The following TULP3 variants were observed in gnomAD, a reference collection of about 807,000 sequenced individuals.
The protein encoded by TULP3 is tubby-related protein 3.
TULP3 carries 38 observed loss-of-function variants against 50.7 expected under a neutral mutation model. The ratio of observed to expected loss-of-function variants is 0.75; its 90% CI spans 0.58 to 0.98. The LOEUF (loss-of-function observed/expected upper bound fraction) is 0.98. Among genes scored for constraint, TULP3 ranks in the 50% least tolerant of loss-of-function variants. The pLI is 0.00. For synonymous variants in TULP3, 183 were observed against 196.6 expected (o/e 0.93, Z 0.58); for missense variants, 550 against 568.0 (o/e 0.97, Z 0.32).
In TULP3 at chr12:2,913,598, GTTTA is replaced by G. The variant is rs561512047; in HGVS notation, c.93+4026_93+4029del. Among the ~76,000 whole-genome samples the G allele has an allele frequency of 9.9e-5, 15 of 151,102 alleles. No homozygotes were observed. The South Asian group carries it at 3.1e-3, about 32-fold the overall frequency. ...AGTTTTAGCTTTTACACTTTCCGTG[GTTTA>G]TTTATTTTTATTTATTTATTTTTTC... On this transcript the variant is annotated intron_variant, in intron 2 of 10. Transcript: ENST00000448120.
chr12:2,907,640 T>A (rs925954674), intron 1 of TULP3, among the ~76,000 whole-genome samples: 1 of 136,002 alleles, frequency 7.4e-6, no homozygotes, highest in Non-Finnish European at 1.6e-5. Context: ...AGAGAGAGAC[T>A]CTGTCTCAAA....
chr12:2,921,067 G>A, intron 3 of TULP3, 145 bp downstream of exon 3: 1 of 964,608 alleles, frequency 1.0e-6, no homozygotes, highest in South Asian at 1.7e-5. Context: ...CACATTTGGG[G>A]TCTTTGAGGA....
chr12:2,922,917 G>C (rs1018630972), intron 4 of TULP3, among the ~76,000 whole-genome samples: 2 of 148,002 alleles, frequency 1.4e-5, no homozygotes, highest in African/African-American at 5.0e-5. Flanking sequence ...GCAGTGACGC[G>C]ATCTCGGCTC....
At chr12:2,914,304 A>G (rs1423668903) in intron 2 of TULP3, among the ~76,000 whole-genome samples, 1 of 151,694 alleles carries the variant, frequency 6.6e-6, no homozygotes, top group East Asian at 2.0e-4. Context: ...TTGTATTTGT[A>G]GTAGAGACAG....
intron 2 of TULP3, among the ~76,000 whole-genome samples, chr12:2,912,303 A>G (rs1163230718): frequency 6.6e-6 from 1 of 152,232 alleles, no homozygotes; most frequent in Admixed American, 6.5e-5. Context: ...TGTCTAAGTT[A>G]GAGCCAAGAT....
intron 4 of TULP3, 48 bp from the exon 5 acceptor site, chr12:2,930,200 T>G (rs1056346324): frequency 3.8e-6 from 5 of 1,313,788 alleles, no homozygotes; most frequent in Non-Finnish European, 5.3e-6. Flanking sequence ...TTCAAAGACC[T>G]TTTTTAAACA....
At chr12:2,929,967 C>T (rs1659569579) in intron 4 of TULP3, among the ~76,000 whole-genome samples, 1 of 152,138 alleles carries the variant, frequency 6.6e-6, no homozygotes, top group Non-Finnish European at 1.5e-5. Flanking sequence ...CAATGTTGTG[C>T]AACCATCACT....
rs2098199898 is a variant in TULP3, at chr12:2,934,403, A to G, written c.810-44A>G. 4 of 1,352,494 alleles carry G rather than the reference A, an allele frequency of 3.0e-6. No homozygotes were observed. In the East Asian group the frequency reaches 1.1e-4, roughly 36 times the overall value. The allele number at this position is 1,352,494 out of a possible 1,614,324, so 83.8% of individuals were successfully genotyped here. ...TCTCTTAGATTGTGTTTGTATAAGA[A>G]AAAAAATACAGATCATCATGGTGAC... On this transcript the variant is annotated intron_variant, in intron 7 of 10. Transcript: ENST00000448120.
intron 10 of TULP3, among the ~76,000 whole-genome samples, chr12:2,938,977 A>G (rs1432378416): frequency 6.6e-6 from 1 of 152,186 alleles, no homozygotes; most frequent in Non-Finnish European, 1.5e-5. Context: ...ATAGGATCCC[A>G]GCACTTTGGG....
intron 5 of TULP3, 131 bp from the exon 6 acceptor site, chr12:2,930,906 T>C: frequency 1.0e-6 from 1 of 993,156 alleles, no homozygotes; most frequent in South Asian, 1.3e-5. Flanking sequence ...AACTTTTCAG[T>C]TTTCCTCATT....
chr12:2,902,071 T>C (rs1240629798), intron 1 of TULP3, among the ~76,000 whole-genome samples: 1 of 152,214 alleles, frequency 6.6e-6, no homozygotes, highest in Non-Finnish European at 1.5e-5. Context: ...TCACACATAC[T>C]ATGTTTATTT....
intron 1 of TULP3, among the ~76,000 whole-genome samples, chr12:2,891,457 G>A (rs2968902): frequency 0.45 from 67,679 of 152,054 alleles, 15,754 homozygotes; most frequent in African/African-American, 0.58. Context: ...AGCAGAGTCC[G>A]AGGAGCGGAA....
Position 2,940,001 on chromosome 12 carries a change from C to T in TULP3, c.*557C>T. ...CAGGGACTGACATCGCAGTTCCTCT[C>T]CTCTCTTCATTCCCTCACAGCAGAT... On this transcript the variant is annotated 3_prime_UTR_variant, in exon 11 of 11. Coordinates refer to ENST00000448120, the MANE Select transcript of TULP3 (RefSeq NM_003324.5). The T allele has an allele frequency of 3.9e-6, 5 of 1,285,512 alleles. No homozygotes were observed. The highest frequency in any genetic ancestry group is 5.1e-6 in the Non-Finnish European group (5 of 985,536). 79.6% of individuals were successfully genotyped at this position (1,285,512 alleles called of 1,614,324 possible).
intron 2 of TULP3, among the ~76,000 whole-genome samples, chr12:2,914,179 C>T (rs145934809): frequency 1.4e-5 from 2 of 140,456 alleles, no homozygotes; most frequent in African/African-American, 5.5e-5. Flanking sequence ...GGCTGGAGTA[C>T]AATGGCGCAA....
At chr12:2,891,961 C>T (rs1351816584) in intron 1 of TULP3, among the ~76,000 whole-genome samples, 1 of 151,978 alleles carries the variant, frequency 6.6e-6, no homozygotes, top group Non-Finnish European at 1.5e-5. Flanking sequence ...TGGTGCGCGC[C>T]TGTAGTTCCA....
rs750365836 is a variant in TULP3, at chr12:2,931,158, G to A, written c.614G>A (p.Arg205Gln). ...CCTCAAGGTGTCACAGTAAGATGTC[G>A]GATAATCCGGGATAAAAGGGGAATG... ...PAPQGVTVRC[R>Q]IIRDKRGMDR... is the part of the protein sequence containing the mutation. Residue 205 changes from arginine (R) to glutamine (Q), a missense_variant, in exon 6 of 11, where the codon CGG becomes CAG. Transcript: ENST00000448120. 8.1e-6 allele frequency: 13 copies of A among 1,613,996 alleles called. No individual in the cohort carries two copies. The highest frequency in any genetic ancestry group is 2.2e-5 in the South Asian group (2 of 91,084).
At chr12:2,900,180 G>A (rs998720116) in intron 1 of TULP3, among the ~76,000 whole-genome samples, 2 of 152,104 alleles carry the variant, frequency 1.3e-5, no homozygotes, top group Admixed American at 6.6e-5. Flanking sequence ...CCGAGATCGC[G>A]CCACTGTACT....
At chr12:2,931,305 G>A in intron 6 of TULP3, 65 bp downstream of exon 6, 3 of 1,527,564 alleles carry the variant, frequency 2.0e-6, no homozygotes, top group Non-Finnish European at 2.7e-6. Flanking sequence ...ATAGATTGTT[G>A]ATGGGCCTTA....
chr12:2,926,097 C>G (rs890892046), intron 4 of TULP3, among the ~76,000 whole-genome samples: 1 of 152,194 alleles, frequency 6.6e-6, no homozygotes, highest in Non-Finnish European at 1.5e-5. Context: ...AAGACAGATT[C>G]ACGGGAACTG....
Sources: allele counts gnomAD v4.1 joint callset (sites outside exome capture counted in the v4.1 genomes callset), GRCh38; gene constraint gnomAD v4.1.1; transcripts MANE v1.5; gene names NCBI Gene and HGNC (gene_info 2026-07-23, HGNC 2026-07-21).